The following LHPP variants were observed in gnomAD, a reference collection of about 807,000 sequenced individuals.
LHPP encodes the protein hLHPP.
A neutral mutation model predicts 30.3 loss-of-function variants in LHPP; 24 were observed. The observed-to-expected ratio is 0.79, with a 90% CI of 0.57 to 1.11. The LOEUF is 1.11. Ranked by LOEUF, LHPP falls within the 50% of genes most tolerant of loss-of-function variation. The pLI, the probability that LHPP is intolerant of heterozygous loss-of-function variation, is 0.00. For synonymous variants in LHPP, 150 were observed against 157.1 expected (o/e 0.95, Z 0.34); for missense variants, 356 against 367.2 (o/e 0.97, Z 0.25).
In LHPP at chr10:124,478,477, AC is replaced by A. The variant is rs1464932342; in HGVS notation, c.126-5659del. Among the ~76,000 whole-genome samples the A allele has an allele frequency of 6.6e-6, 1 of 152,130 alleles. No homozygotes were observed. The highest frequency in any genetic ancestry group is 6.5e-5 in the Admixed American group (1 of 15,286). ...ATCCCATTCTCCCTCCAGCCTCAGG[AC>A]CCTCGGCGGTCCCCAGAGGGCTAGC... is the stretch of plus-strand genomic sequence containing the variant. On this transcript the variant is annotated intron_variant, in intron 1 of 6. Coordinates refer to ENST00000368842, the MANE Select transcript of LHPP (RefSeq NM_022126.4). This position sits in a 1 kb window ranked among gnomAD's most constrained non-coding sequence, Gnocchi z 4.7.
intron 5 of LHPP, among the ~76,000 whole-genome samples, chr10:124,508,033 C>G (rs561574555): frequency 2.4e-4 from 36 of 152,022 alleles, no homozygotes; most frequent in Admixed American, 5.9e-4. Context: ...CATATAAACT[C>G]AAAGGTGCCC....
chr10:124,598,481 T>A (rs1046232355), intron 6 of LHPP, among the ~76,000 whole-genome samples: 2 of 152,162 alleles, frequency 1.3e-5, no homozygotes, highest in African/African-American at 4.8e-5. Flanking sequence ...GATAACCCCA[T>A]GGGGAAAGCC....
At chr10:124,562,777 T>C (rs1280165522) in intron 6 of LHPP, among the ~76,000 whole-genome samples, 1 of 151,888 alleles carries the variant, frequency 6.6e-6, no homozygotes, top group Non-Finnish European at 1.5e-5. Flanking sequence ...ATTAAAAATA[T>C]AAAAATTACC....
intron 1 of LHPP, among the ~76,000 whole-genome samples, chr10:124,468,663 T>C (rs1044409919): frequency 1.3e-5 from 2 of 152,220 alleles, no homozygotes; most frequent in African/African-American, 4.8e-5. Context: ...GCCGCTGAGC[T>C]GTCCAGCACC....
At chr10:124,483,297 G>A (rs1361494286) in intron 1 of LHPP, among the ~76,000 whole-genome samples, 1 of 152,186 alleles carries the variant, frequency 6.6e-6, no homozygotes, top group African/African-American at 2.4e-5. Context: ...GTACTTTTTG[G>A]GAAGTATGGA....
At chr10:124,612,579 C>T (rs902296683) in intron 6 of LHPP, among the ~76,000 whole-genome samples, 8 of 152,180 alleles carry the variant, frequency 5.3e-5, no homozygotes, top group Non-Finnish European at 1.2e-4. Flanking sequence ...GAGGCCTCTG[C>T]ACTGTCTCAT....
At chr10:124,572,643 A>G (rs1948601186) in intron 6 of LHPP, among the ~76,000 whole-genome samples, 1 of 87,970 alleles carries the variant, frequency 1.1e-5, no homozygotes, top group Non-Finnish European at 2.4e-5. Context: ...AAAAAGAAAG[A>G]AAGTAAGAAA....
In LHPP at chr10:124,613,605, C is replaced by T. The variant is rs779910530; in HGVS notation, c.*245C>T. ...GTTCCCTACCTGGGTGGCCTGCTCC[C>T]CTGCCTGGGCCCTGACTTCAGCTCC... On this transcript the variant is annotated 3_prime_UTR_variant, in exon 7 of 7. Transcript: ENST00000368842. 44 of 565,930 alleles carry T rather than the reference C, an allele frequency of 7.8e-5. No individual in the cohort carries two copies. Among genetic ancestry groups the T allele is most frequent in the Non-Finnish European group, 1.4e-4 (43 of 314,314 alleles). 35.1% of individuals were successfully genotyped at this position (565,930 alleles called of 1,614,324 possible).
rs1948176555 is a variant in LHPP, at chr10:124,551,951, G to GA, written c.716+34681dup. Among the ~76,000 whole-genome samples, 7 of 152,150 alleles carry GA rather than the reference G, an allele frequency of 4.6e-5. No homozygotes were observed. In the South Asian group the frequency reaches 1.5e-3, roughly 32 times the overall value. Reference sequence around the variant, plus strand: ...ACCGTGCTGAGGCCCAGGGCCCTGAGACCCTCAGGCCCATCACAGCCTCCC... The same window carrying GA: ...ACCGTGCTGAGGCCCAGGGCCCTGAGAACCCTCAGGCCCATCACAGCCTCCC... On this transcript the variant is annotated intron_variant, in intron 6 of 6. Coordinates refer to ENST00000368842, the MANE Select transcript of LHPP (RefSeq NM_022126.4).
At chr10:124,470,688 A>AGT (rs77024084) in intron 1 of LHPP, among the ~76,000 whole-genome samples, 3 of 151,946 alleles carry the variant, frequency 2.0e-5, no homozygotes, top group Non-Finnish European at 4.4e-5. Context: ...CAACAATAAT[A>AGT]ATAATGTAGG....
chr10:124,489,548 G>A lies in LHPP; in HGVS notation c.467+973G>A, dbSNP rs556395603. 3.9e-5 allele frequency among the ~76,000 whole-genome samples: 6 copies of A among 152,142 alleles called. No individual in the cohort carries two copies. The East Asian group carries it at 7.7e-4, about 20-fold the overall frequency. On this transcript the variant is annotated intron_variant, in intron 3 of 6. Transcript: ENST00000368842. Reference sequence around the variant, plus strand: ...CGGCTCGCTGCAACCTCTCCCTCCCGGGTTCAAGCGATTCTCCTGCCTCAG... The same window carrying A: ...CGGCTCGCTGCAACCTCTCCCTCCCAGGTTCAAGCGATTCTCCTGCCTCAG...
intron 6 of LHPP, among the ~76,000 whole-genome samples, chr10:124,529,795 A>G (rs1250360497): frequency 2.5e-5 from 1 of 39,736 alleles, no homozygotes; most frequent in Non-Finnish European, 6.4e-5. Context: ...GCTCATGCAC[A>G]TACACACACA....
At chr10:124,612,137 C>A (rs1435571442) in intron 6 of LHPP, among the ~76,000 whole-genome samples, 1 of 152,204 alleles carries the variant, frequency 6.6e-6, no homozygotes, top group Non-Finnish European at 1.5e-5. Context: ...GGCACGGTGG[C>A]TCACTCCTGT....
In LHPP at chr10:124,541,969, A is replaced by G. The variant is rs1328180822; in HGVS notation, c.716+24698A>G. The stretch of plus-strand genomic sequence containing the variant: ...GCCCACATGCTGTCCCTGTCCAGAC[A>G]TGAAACGGACAGCAGGAGGGGGCTT... On this transcript the variant is annotated intron_variant, in intron 6 of 6. Coordinates refer to ENST00000368842, the MANE Select transcript of LHPP (RefSeq NM_022126.4). The surrounding 1 kb of genome is among the most constrained non-coding windows in gnomAD (Gnocchi z 4.2). Among the ~76,000 whole-genome samples, 1 of 152,052 alleles carries G rather than the reference A, an allele frequency of 6.6e-6. No homozygotes were observed. Among genetic ancestry groups the G allele is most frequent in the African/African-American group, 2.4e-5 (1 of 41,392 alleles).
intron 6 of LHPP, among the ~76,000 whole-genome samples, chr10:124,555,995 A>T (rs1473033038): frequency 6.6e-6 from 1 of 151,758 alleles, no homozygotes; most frequent in Non-Finnish European, 1.5e-5. Flanking sequence ...CCCAGTGCCC[A>T]CTATTTATTT....
intron 6 of LHPP, among the ~76,000 whole-genome samples, chr10:124,530,861 C>T (rs1020858247): frequency 6.6e-6 from 1 of 152,208 alleles, no homozygotes; most frequent in Non-Finnish European, 1.5e-5. Context: ...CCCTGGATTC[C>T]CTGGGCCTGA....
chr10:124,483,672 G>A (rs1953215551), intron 1 of LHPP, among the ~76,000 whole-genome samples: 1 of 152,138 alleles, frequency 6.6e-6, no homozygotes, highest in South Asian at 2.1e-4. Context: ...CAGGAGAATC[G>A]CTTGAATCTG....
At chr10:124,566,927 T>C (rs1001755901) in intron 6 of LHPP, among the ~76,000 whole-genome samples, 1 of 152,148 alleles carries the variant, frequency 6.6e-6, no homozygotes, top group African/African-American at 2.4e-5. Flanking sequence ...AGAAGAGAAA[T>C]GGTCCCTCAG....
chr10:124,525,108 C>T lies in LHPP; in HGVS notation c.716+7837C>T, dbSNP rs565609200. Reference sequence around the variant, plus strand: ...TTCTCCCACATGGCTGGCTTCCCTCCAACATGGCGCTGGCTCTTCCTTCTC... The same window carrying T: ...TTCTCCCACATGGCTGGCTTCCCTCTAACATGGCGCTGGCTCTTCCTTCTC... On this transcript the variant is annotated intron_variant, in intron 6 of 6. Coordinates refer to ENST00000368842, the MANE Select transcript of LHPP (RefSeq NM_022126.4). 5.9e-5 allele frequency among the ~76,000 whole-genome samples: 9 copies of T among 152,292 alleles called. No individual in the cohort carries two copies. In the South Asian group the frequency reaches 1.9e-3, roughly 32 times the overall value.
Sources: gnomAD v4.1 joint callset for allele counts (sites outside exome capture counted in the v4.1 genomes callset) on GRCh38, gnomAD v4.1.1 for gene constraint, Gnocchi (gnomAD v3.1) non-coding constraint, MANE v1.5 for transcripts, NCBI Gene and HGNC (gene_info 2026-07-23, HGNC 2026-07-21) for gene names.